The following LYSMD3 variants were observed in gnomAD, a reference collection of about 807,000 sequenced individuals.
LYSMD3 encodes lysM and putative peptidoglycan-binding domain-containing protein 3.
Under a neutral mutation model 26.1 loss-of-function variants are expected in LYSMD3, and 13 were observed. The observed-to-expected ratio is 0.50, with a 90% confidence interval of 0.32 to 0.79. The LOEUF is 0.79. Among genes scored for constraint, LYSMD3 ranks in the 30% least tolerant of loss-of-function variants. The pLI is 0.03. For synonymous variants in LYSMD3, 109 were observed against 119.4 expected, an observed-to-expected ratio of 0.91 and a Z score of 0.57; for missense variants, 331 against 362.5, an observed-to-expected ratio of 0.91 and a Z score of 0.71.
At position 90,517,405 on chromosome 5, in the gene LYSMD3, T is replaced by C. The variant is rs941794837; in HGVS notation, c.*1414A>G. The C allele has an allele frequency of 1.1e-4, 17 of 152,056 alleles. No individual in the cohort carries two copies. Among genetic ancestry groups the C allele is most frequent in the African/African-American group, 3.1e-4 (13 of 41,436 alleles). The allele number at this position is 152,056 out of a possible 1,614,324, so 9.4% of individuals were successfully genotyped here. On this transcript the variant is annotated 3_prime_UTR_variant, in exon 3 of 3. Transcript: ENST00000315948. ...GGTGGTATTATATATCTTAAGTATA[T>C]ATTATATACAAAACAGGCAATCCAG...
At position 90,519,112 on chromosome 5, in the gene LYSMD3, A is replaced by G. The variant is rs376564116; in HGVS notation, c.628T>C (p.Tyr210His). The G allele has an allele frequency of 8.2e-5, 132 of 1,613,950 alleles. No individual in the cohort carries two copies. The highest frequency in any genetic ancestry group is 1.1e-4 in the Non-Finnish European group (124 of 1,179,988). Residue 210 changes from tyrosine to histidine, a missense_variant, in exon 3 of 3, where the codon TAT becomes CAT. This residue lies in a region of LYSMD3 where 262 missense variants were observed against 267.3 expected (regional missense o/e 0.98). Transcript: ENST00000315948. Reference sequence around the variant, plus strand: ...CACCCTATTCCCCAGTCTGCTCCATAATAGGGGTCTTTACGTTGAGTGTTT... The same window carrying G: ...CACCCTATTCCCCAGTCTGCTCCATGATAGGGGTCTTTACGTTGAGTGTTT... Reference protein sequence around the residue: ...NKNTQRKDPYYGADWGIGWWT... With the variant: ...NKNTQRKDPYHGADWGIGWWT...
Position 90,519,244 on chromosome 5 carries a change from G to T in LYSMD3, c.496C>A (p.Arg166=). ...SAGSFLKEVD[R]DIEQIVKCTD... ...CACTTTACTATTTGTTCTATGTCTC[G>T]GTCTACTTCTTTTAAAAAGCTACCA... The change falls in exon 3 of 3, where the codon CGA becomes AGA. Residue 166 remains arginine, a synonymous_variant. Transcript: ENST00000315948. 2 of 1,613,646 alleles carry T rather than the reference G, an allele frequency of 1.2e-6. No individual in the cohort carries two copies. The highest frequency in any genetic ancestry group is 1.1e-5 in the South Asian group (1 of 91,054).
intron 2 of LYSMD3, 67 bp downstream of exon 2, chr5:90,524,966 CAG>C (rs1171010263): frequency 1.4e-5 from 18 of 1,300,182 alleles, no homozygotes; most frequent in Non-Finnish European, 1.9e-5. Flanking sequence ...AAAAAGGACA[CAG>C]AATTTATTTC....
intron 1 of LYSMD3, among the ~76,000 whole-genome samples, chr5:90,528,519 C>G (rs956424961): frequency 2.6e-5 from 4 of 152,118 alleles, no homozygotes; most frequent in African/African-American, 9.7e-5. Context: ...CTCTCCACTC[C>G]CCTTTATAAT....
rs781312360 is a variant in LYSMD3, at chr5:90,519,110, A to G, written c.630T>C (p.Tyr210=). The change falls in exon 3 of 3, where the codon TAT becomes TAC. Residue 210 remains tyrosine, a synonymous_variant. Coordinates refer to ENST00000315948, the MANE Select transcript of LYSMD3 (RefSeq NM_198273.2). The stretch of plus-strand genomic sequence containing the variant: ...ACCACCCTATTCCCCAGTCTGCTCC[A>G]TAATAGGGGTCTTTACGTTGAGTGT... ...NKNTQRKDPY[Y]GADWGIGWWT... 1 of 1,614,118 alleles carries G rather than the reference A, an allele frequency of 6.2e-7. No homozygotes were observed. Among genetic ancestry groups the G allele is most frequent in the East Asian group, 2.2e-5 (1 of 44,874 alleles).
intron 2 of LYSMD3, 128 bp from the exon 3 acceptor site, chr5:90,519,612 C>A: frequency 1.1e-6 from 1 of 893,430 alleles, no homozygotes; most frequent in Non-Finnish European, 1.6e-6. Flanking sequence ...AAGTTGCACC[C>A]AGAGAAATTT....
rs746828682 is a variant in LYSMD3 at position 90,525,272 on chromosome 5, C to G, written c.18G>C (p.Gln6His). 6.2e-7 allele frequency: 1 copy of G among 1,607,650 alleles called. No individual in the cohort carries two copies. Among genetic ancestry groups the G allele is most frequent in the Middle Eastern group, 1.7e-4 (1 of 6,016 alleles). The change falls in exon 2 of 3, where the codon CAG (glutamine) becomes CAC (histidine). Residue 6 changes from glutamine to histidine, a missense_variant. Gln to His is a conservative substitution (Grantham distance 24). Coordinates refer to ENST00000315948, the MANE Select transcript of LYSMD3 (RefSeq NM_198273.2). Reference sequence around the variant, plus strand: ...CTCCTGGAAGAGGAAAACTACGATTCTGATGCCTCCCTGCCATAATGTTAA... The same window carrying G: ...CTCCTGGAAGAGGAAAACTACGATTGTGATGCCTCCCTGCCATAATGTTAA... MAGRHQNRSFPLPGVQ... is the reference protein window; with the variant it reads MAGRHHNRSFPLPGVQ...
chr5:90,519,348 C>T lies in LYSMD3; in HGVS notation c.392G>A (p.Arg131His), dbSNP rs139750200. 3.8e-4 allele frequency: 621 copies of T among 1,614,026 alleles called. No individual in the cohort carries two copies. Among genetic ancestry groups the T allele is most frequent in the Non-Finnish European group, 4.7e-4 (557 of 1,179,976 alleles). The part of the protein sequence containing the change: ...LCPPKGRQTS[R>H]HSSVQYSSEQ... Reference sequence around the variant, plus strand: ...GGAAGAGTATTGAACAGATGAATGACGTGAAGTCTGTCTTCCTTTTGGAGG... The same window carrying T: ...GGAAGAGTATTGAACAGATGAATGATGTGAAGTCTGTCTTCCTTTTGGAGG... Residue 131 changes from arginine to histidine, a missense_variant, in exon 3 of 3, where the codon CGT (arginine) becomes CAT (histidine). Physicochemically the swap from Arg to His is conservative, Grantham distance 29. Coordinates refer to ENST00000315948, the MANE Select transcript of LYSMD3 (RefSeq NM_198273.2).
rs915887608 is a variant in LYSMD3, at chr5:90,516,550, C to T, written c.*2269G>A. The T allele has an allele frequency of 6.6e-6, 1 of 152,092 alleles. No homozygotes were observed. Among genetic ancestry groups the T allele is most frequent in the Non-Finnish European group, 1.5e-5 (1 of 67,934 alleles). The allele number at this position is 152,092 out of a possible 1,614,324, so 9.4% of individuals were successfully genotyped here. ...TAATTTGCATTTGATATAAACTTAA[C>T]TTACATTAGTACTTTTTAGAAACTA... On this transcript the variant is annotated 3_prime_UTR_variant, in exon 3 of 3. Coordinates refer to ENST00000315948, the MANE Select transcript of LYSMD3 (RefSeq NM_198273.2).
intron 1 of LYSMD3, among the ~76,000 whole-genome samples, chr5:90,528,035 A>C (rs2151922837): frequency 6.6e-6 from 1 of 152,320 alleles, no homozygotes; most frequent in Middle Eastern, 3.4e-3. Context: ...AACTAAAGAA[A>C]ACTATCACAT....
intron 2 of LYSMD3, chr5:90,520,608 T>C: frequency 4.8e-6 from 2 of 418,542 alleles, no homozygotes; most frequent in Admixed American, 2.5e-5. Flanking sequence ...CACAGATTTA[T>C]GGACTATCAG....
chr5:90,522,091 C>A (rs1753102278), intron 2 of LYSMD3, among the ~76,000 whole-genome samples: 1 of 152,120 alleles, frequency 6.6e-6, no homozygotes, highest in Non-Finnish European at 1.5e-5. Context: ...GGGGTGGGGC[C>A]TGGGGGAGGT....
Position 90,518,736 on chromosome 5 carries a change from C to CT in LYSMD3, c.*82dup. The CT allele has an allele frequency of 7.6e-7, 1 of 1,323,752 alleles. No homozygotes were observed. Among genetic ancestry groups the CT allele is most frequent in the Non-Finnish European group, 1.0e-6 (1 of 962,922 alleles). 82.0% of individuals were successfully genotyped at this position (1,323,752 alleles called of 1,614,324 possible). ...CATCCTCAATCTCTCTAAATTCTGC[C>CT]TTTGAAGCTATTATTGGATATAACT... On this transcript the variant is annotated 3_prime_UTR_variant, in exon 3 of 3. Coordinates refer to ENST00000315948, the MANE Select transcript of LYSMD3 (RefSeq NM_198273.2).
Position 90,525,112 on chromosome 5 carries a change from C to T in LYSMD3, c.178G>A (p.Asp60Asn), listed in dbSNP as rs1753187814. The change falls in exon 2 of 3, where the codon GAC (aspartate) becomes AAC (asparagine). Residue 60 changes from aspartate (D) to asparagine (N), a missense_variant. Physicochemically the swap from Asp to Asn is conservative, Grantham distance 23. Around this residue, in one of 3 missense-constraint regions of LYSMD3, gnomAD observed 262 missense variants for 267.3 expected, o/e 0.98. Coordinates refer to ENST00000315948, the MANE Select transcript of LYSMD3 (RefSeq NM_198273.2). ...TCTTTTGTTAATACTATAATGTCGTCAAGTCTATCTCTTGATGTACTTCTT... is the reference window on the plus strand; with the variant it reads ...TCTTTTGTTAATACTATAATGTCGTTAAGTCTATCTCTTGATGTACTTCTT... Reference protein sequence around the residue: ...VRRSTSRDRLDDIIVLTKDIQ... With the variant: ...VRRSTSRDRLNDIIVLTKDIQ... 6.2e-7 allele frequency: 1 copy of T among 1,613,834 alleles called. No individual in the cohort carries two copies. The highest frequency in any genetic ancestry group is 1.3e-5 in the African/African-American group (1 of 74,920).
rs1318064392 is a variant in LYSMD3 at position 90,525,163 on chromosome 5, G to A, written c.127C>T (p.Arg43Ter). 2.5e-6 allele frequency: 4 copies of A among 1,613,754 alleles called. No homozygotes were observed. The Admixed American group carries it at 5.0e-5, about 20-fold the overall frequency. ...CGGACTTTCTCTTTTCCTCTGGATC[G>A]AAGTTCATACACTTCAGCATCCTCC... ...LEEDAEVYEL[R>*]SRGKEKVRRS... Residue 43 changes from arginine to a stop codon, truncating the protein, a stop_gained, in exon 2 of 3, where the codon CGA becomes TGA. Coordinates refer to ENST00000315948, the MANE Select transcript of LYSMD3 (RefSeq NM_198273.2). LOFTEE classifies it high-confidence loss of function.
chr5:90,520,256 G>C (rs1306185684), intron 2 of LYSMD3: 1 of 397,032 alleles, frequency 2.5e-6, no homozygotes, highest in African/African-American at 2.1e-5. Flanking sequence ...ACTGTGTTGG[G>C]GGAAGAGGGG....
At position 90,525,051 on chromosome 5, in the gene LYSMD3, A is replaced by G. The variant is rs1402685181; in HGVS notation, c.239T>C (p.Leu80Pro). 1 of 1,606,244 alleles carries G rather than the reference A, an allele frequency of 6.2e-7. No homozygotes were observed. Among genetic ancestry groups the G allele is most frequent in the Admixed American group, 1.7e-5 (1 of 59,398 alleles). ...QEGDTLNAIALQYCCTVADIK... is the reference protein window; with the variant it reads ...QEGDTLNAIAPQYCCTVADIK... ...AAAACTTACCGTACAACAGTACTGA[A>G]GGGCTATTGCATTTAATGTATCTCC... is the stretch of plus-strand genomic sequence containing the variant. The change falls in exon 2 of 3, where the codon CTT becomes CCT. Residue 80 changes from leucine to proline, a missense_variant. Leu to Pro is a moderately conservative substitution (Grantham distance 98). This residue lies in a region of LYSMD3 where 262 missense variants were observed against 267.3 expected (regional missense o/e 0.98). Transcript: ENST00000315948.
chr5:90,515,733 CAAT>C lies in LYSMD3; in HGVS notation c.*3083_*3085del, dbSNP rs1409806865. ...CTGGTTTTACAGATACACATGCTAA[CAAT>C]GTTCTACAGTTACATTTGTATAAAA... On this transcript the variant is annotated 3_prime_UTR_variant, in exon 3 of 3. Transcript: ENST00000315948. The C allele has an allele frequency of 6.6e-6, 1 of 152,046 alleles. No individual in the cohort carries two copies. The highest frequency in any genetic ancestry group is 1.5e-5 in the Non-Finnish European group (1 of 67,986). The allele number at this position is 152,046 out of a possible 1,614,324, so 9.4% of individuals were successfully genotyped here. A position where few individuals can be genotyped will look rare whatever the true frequency, so the allele number is the denominator to read the frequency against.
intron 2 of LYSMD3, among the ~76,000 whole-genome samples, chr5:90,521,963 A>G (rs1753099445): frequency 6.6e-6 from 1 of 151,812 alleles, no homozygotes; most frequent in African/African-American, 2.4e-5. Flanking sequence ...TTTGTTGCTT[A>G]TGCTTCCATC....
Sources: gnomAD v4.1 joint callset for allele counts (sites outside exome capture counted in the v4.1 genomes callset) on GRCh38, gnomAD v4.1.1 for gene constraint, gnomAD v4.1.1 regional missense constraint, MANE v1.5 for transcripts, NCBI Gene and HGNC (gene_info 2026-07-23, HGNC 2026-07-21) for gene names.